TERF2: variants seen among roughly 807,000 people sequenced by gnomAD.
TERF2 encodes the protein telomeric repeat-binding factor 2.
Under a neutral mutation model 56.1 loss-of-function variants are expected in TERF2, and 16 were observed. The ratio of observed to expected loss-of-function variants is 0.29; its 90% confidence interval spans 0.19 to 0.43. The LOEUF (loss-of-function observed/expected upper bound fraction) is 0.43, where lower values mean the gene tolerates loss of function less well. TERF2 is among the 20% of genes least tolerant of loss of function. TERF2 has a pLI of 1.00. For synonymous variants in TERF2, 296 were observed against 282.1 expected, an observed-to-expected ratio of 1.05 and a Z score of -0.50; for missense variants, 547 against 712.9, an observed-to-expected ratio of 0.77 and a Z score of 2.65.
chr16:69,385,322 T>C, intron 2 of TERF2, 69 bp downstream of exon 2: 2 of 1,346,802 alleles, frequency 1.5e-6, no homozygotes. Flanking sequence ...ATCCTTCAGT[T>C]CTAGATATAA....
At position 69,385,478 on chromosome 16, in the gene TERF2, C is replaced by A; in HGVS notation, c.388G>T (p.Val130Phe). 1 of 1,614,122 alleles carries A rather than the reference C, an allele frequency of 6.2e-7. No individual in the cohort carries two copies. Among genetic ancestry groups the A allele is most frequent in the Non-Finnish European group, 8.5e-7 (1 of 1,180,026 alleles). The change falls in exon 2 of 10, where the codon GTC becomes TTC. Residue 130 changes from valine to phenylalanine, a missense_variant. Around this residue, in one of 6 missense-constraint regions of TERF2, gnomAD observed 120 missense variants for 172.4 expected, o/e 0.70. Transcript: ENST00000254942. ...GTGTGCTCCTTCCCCAAGGGCCTGA[C>A]AAGCAAAGCTGGGAGAGAAGACATC... ...QIRDIMQALL[V>F]RPLGKEHTVS...
intron 7 of TERF2, among the ~76,000 whole-genome samples, chr16:69,362,998 A>AT (rs765737187): frequency 1.3e-5 from 2 of 152,226 alleles, no homozygotes; most frequent in Non-Finnish European, 2.9e-5. Context: ...CTTGAGTTCC[A>AT]TAAGTTTTCT....
chr16:69,356,779 G>A lies in TERF2; in HGVS notation c.*119C>T, dbSNP rs1487111090. On this transcript the variant is annotated 3_prime_UTR_variant, in exon 10 of 10. Coordinates refer to ENST00000254942, the MANE Select transcript of TERF2 (RefSeq NM_005652.5). ...CACGCCACTGCACTCCAGCCTGGGT[G>A]ACAGAGCGAGACTCTGTCTCAAAAA... The A allele has an allele frequency of 8.6e-7, 1 of 1,160,364 alleles. No homozygotes were observed. Among genetic ancestry groups the A allele is most frequent in the African/African-American group, 1.6e-5 (1 of 61,796 alleles). The allele number at this position is 1,160,364 out of a possible 1,614,324, so 71.9% of individuals were successfully genotyped here.
In TERF2 at chr16:69,366,839, G is replaced by T; in HGVS notation, c.1308C>A (p.Leu436=). ...TCTTCTCTCCAGGGAGGGGTTGGTTGAGAACGGTGGGCTTGGATGGTGGCG... is the reference window on the plus strand; with the variant it reads ...TCTTCTCTCCAGGGAGGGGTTGGTTTAGAACGGTGGGCTTGGATGGTGGCG... The part of the protein sequence containing the change: ...ASAPPSKPTV[L]NQPLPGEKNP... Residue 436 remains leucine (L), a synonymous_variant, in exon 7 of 10, where the codon CTC becomes CTA. Coordinates refer to ENST00000254942, the MANE Select transcript of TERF2 (RefSeq NM_005652.5). The T allele has an allele frequency of 6.2e-7, 1 of 1,613,884 alleles. No individual in the cohort carries two copies. Among genetic ancestry groups the T allele is most frequent in the Non-Finnish European group, 8.5e-7 (1 of 1,179,978 alleles).
chr16:69,377,938 T>C (rs1455163966), intron 3 of TERF2, among the ~76,000 whole-genome samples: 1 of 152,182 alleles, frequency 6.6e-6, no homozygotes, highest in Non-Finnish European at 1.5e-5. Context: ...GTATGCTTTT[T>C]CCCCCTTGCC....
chr16:69,377,883 T>C (rs1292126697), intron 3 of TERF2, among the ~76,000 whole-genome samples: 1 of 152,180 alleles, frequency 6.6e-6, no homozygotes, highest in Non-Finnish European at 1.5e-5. Context: ...TACATAGTCC[T>C]GCCATCTGCA....
intron 3 of TERF2, among the ~76,000 whole-genome samples, chr16:69,375,628 T>C (rs1426479755): frequency 6.6e-6 from 1 of 152,202 alleles, no homozygotes; most frequent in East Asian, 1.9e-4. Context: ...TTTTTTTAAT[T>C]AATTTTTCTT....
At position 69,368,380 on chromosome 16, in the gene TERF2, C is replaced by A. The variant is rs762832009; in HGVS notation, c.943G>T (p.Ala315Ser). ...CACAAGAGAGCATCTTTTTACCTTG[C>A]GGGTTCTCTGGGTGGCTTTTCCACA... is the stretch of plus-strand genomic sequence containing the variant. ...GPVEKPPREP[A>S]RQLRNPPTTI... Residue 315 changes from alanine (A) to serine (S), a missense_variant, in exon 6 of 10, where the codon GCA becomes TCA. This residue lies in a region of TERF2 where 211 missense variants were observed against 236.8 expected (regional missense o/e 0.89). Coordinates refer to ENST00000254942, the MANE Select transcript of TERF2 (RefSeq NM_005652.5). The A allele has an allele frequency of 6.2e-6, 10 of 1,613,466 alleles. No individual in the cohort carries two copies. Among genetic ancestry groups the A allele is most frequent in the Middle Eastern group, 1.7e-4 (1 of 5,768 alleles).
chr16:69,365,247 T>C (rs1377705360), intron 7 of TERF2: 2 of 152,256 alleles, frequency 1.3e-5, no homozygotes, highest in Non-Finnish European at 2.9e-5. Flanking sequence ...GAGAATAACA[T>C]GCATGGAGCT....
intron 3 of TERF2, among the ~76,000 whole-genome samples, chr16:69,383,491 G>C (rs528153046): frequency 6.6e-6 from 1 of 152,294 alleles, no homozygotes; most frequent in Admixed American, 6.5e-5. Flanking sequence ...CCTTGATAAT[G>C]TCTATTCTGG....
In TERF2 at chr16:69,361,962, G is replaced by T. The variant is rs984920797; in HGVS notation, c.1341-473C>A. Among the ~76,000 whole-genome samples, 2 of 103,320 alleles carry T rather than the reference G, an allele frequency of 1.9e-5. 1 individual carries two copies. The highest frequency in any genetic ancestry group is 7.4e-5 in the African/African-American group (2 of 26,904). The allele number at this position is 103,320 out of a possible 152,430, so 67.8% of individuals were successfully genotyped here. On this transcript the variant is annotated intron_variant, in intron 7 of 9. Transcript: ENST00000254942. ...TAGCCTCTTAACTAGAGTCTCTGCCGCTAGGCTCTTCCCCTTCCAAAGCCA... is the reference window on the plus strand; with the variant it reads ...TAGCCTCTTAACTAGAGTCTCTGCCTCTAGGCTCTTCCCCTTCCAAAGCCA...
chr16:69,367,281 A>C, intron 6 of TERF2, 82 bp from the exon 7 acceptor site: 1 of 1,463,322 alleles, frequency 6.8e-7, no homozygotes, highest in Non-Finnish European at 9.1e-7. Context: ...TTGAAGTTTG[A>C]AGCTTCAAAT....
At chr16:69,384,552 G>A in intron 3 of TERF2, 28 bp downstream of exon 3, 3 of 1,605,560 alleles carry the variant, frequency 1.9e-6, no homozygotes, top group Non-Finnish European at 2.5e-6. Context: ...TTTGGTCAAA[G>A]AAAAAAGATA....
chr16:69,356,467 G>C lies in TERF2; in HGVS notation c.*431C>G. 1 of 274,860 alleles carries C rather than the reference G, an allele frequency of 3.6e-6. No homozygotes were observed. Among genetic ancestry groups the C allele is most frequent in the Non-Finnish European group, 7.2e-6 (1 of 139,422 alleles). 17.0% of individuals were successfully genotyped at this position (274,860 alleles called of 1,614,324 possible). On this transcript the variant is annotated 3_prime_UTR_variant, in exon 10 of 10. Coordinates refer to ENST00000254942, the MANE Select transcript of TERF2 (RefSeq NM_005652.5). ...GAAATGGGACCTCCCCCACGTCGAA[G>C]GAGGTTGCCCAAAATTCTCATCCCA...
intron 7 of TERF2, among the ~76,000 whole-genome samples, chr16:69,364,772 T>C (rs2013277075): frequency 1.3e-5 from 2 of 152,210 alleles, no homozygotes; most frequent in Admixed American, 6.5e-5. Flanking sequence ...CCTTGCTGAA[T>C]AGGCTCAGCT....
In TERF2 at chr16:69,359,627, A is replaced by ATTTTTTTTTTT. The variant is rs564611021; in HGVS notation, c.1426+1766_1426+1776dup. ...AATCTTCCTCTTACTATCATTCCCA[A>ATTTTTTTTTTT]TTTTTTTTTTTTTTTTTTTTTTTTT... On this transcript the variant is annotated intron_variant, in intron 8 of 9. Transcript: ENST00000254942. Among the ~76,000 whole-genome samples, 11 of 72,578 alleles carry ATTTTTTTTTTT rather than the reference A, an allele frequency of 1.5e-4. 4 individuals are homozygous for ATTTTTTTTTTT. The highest frequency in any genetic ancestry group is 3.7e-4 in the African/African-American group (6 of 16,112). 47.6% of individuals were successfully genotyped at this position (72,578 alleles called of 152,430 possible).
intron 7 of TERF2, chr16:69,365,074 T>C (rs947159938): frequency 6.6e-6 from 1 of 152,248 alleles, no homozygotes; most frequent in African/African-American, 2.4e-5. Context: ...AGACTTCATA[T>C]CCTTGACATA....
chr16:69,385,365 A>G, intron 2 of TERF2, 26 bp downstream of exon 2: 2 of 1,594,736 alleles, frequency 1.3e-6, no homozygotes, highest in Non-Finnish European at 1.7e-6. Flanking sequence ...AAGTAAGCCC[A>G]GAGAAGAACA....
chr16:69,361,393 C>T lies in TERF2; in HGVS notation c.1426+11G>A, dbSNP rs2013133319. On this transcript the variant is annotated intron_variant, in intron 8 of 9. Coordinates refer to ENST00000254942, the MANE Select transcript of TERF2 (RefSeq NM_005652.5). ...GCATCAAGAAGAGGCCAAGGAGAAT[C>T]TTCTGCTTACCCTGAACTTGAAACA... The T allele has an allele frequency of 3.7e-6, 6 of 1,600,200 alleles. No individual in the cohort carries two copies. In the African/African-American group the frequency reaches 5.4e-5, roughly 14 times the overall value.
Sources: allele counts gnomAD v4.1 joint callset (sites outside exome capture counted in the v4.1 genomes callset), GRCh38; gene constraint gnomAD v4.1.1; regional missense constraint gnomAD v4.1.1; transcripts MANE v1.5; gene names NCBI Gene and HGNC (gene_info 2026-07-23, HGNC 2026-07-21).